The following COL6A6 variants were observed in gnomAD, a reference collection of about 807,000 sequenced individuals.
COL6A6 encodes the protein collagen alpha-6(VI) chain.
Under a neutral mutation model 208.6 loss-of-function variants are expected in COL6A6, and 183 were observed. That is an observed-to-expected ratio of 0.88 (90% CI 0.78 to 0.99). The LOEUF (loss-of-function observed/expected upper bound fraction) is 0.99. Ranked by LOEUF, COL6A6 falls within the 50% of genes least tolerant of loss-of-function variation. COL6A6 has a pLI of 0.00. For synonymous variants in COL6A6, 973 were observed against 1,011.8 expected (o/e 0.96, Z 0.73); for missense variants, 2,816 against 2,815.2 (o/e 1.00, Z -0.01).
Position 130,649,129 on chromosome 3 carries a change from A to T in COL6A6, c.5300A>T (p.Asp1767Val), listed in dbSNP as rs1459908668. Residue 1767 changes from aspartate to valine, a missense_variant, in exon 33 of 37, where the codon GAT becomes GTT. Transcript: ENST00000358511. ...ELVFALDHSR[D>V]VTEQEFERMK... is the part of the protein sequence containing the mutation. ...GTGTTTGCCCTGGACCACTCCCGGG[A>T]TGTCACTGAGCAGGAATTTGAGCGG... The T allele has an allele frequency of 6.3e-7, 1 of 1,583,796 alleles. No individual in the cohort carries two copies.
At chr3:130,546,536 G>C (rs145360062) in intron 1 of COL6A6, among the ~76,000 whole-genome samples, 4 of 152,292 alleles carry the variant, frequency 2.6e-5, no homozygotes, top group African/African-American at 7.2e-5. Flanking sequence ...GGCAGCCTGC[G>C]TTTATTCCCT....
chr3:130,662,456 G>A (rs2065962407), intron 35 of COL6A6, 148 bp downstream of exon 35: 2 of 736,038 alleles, frequency 2.7e-6, no homozygotes, highest in South Asian at 1.9e-5. Flanking sequence ...TATAATGACG[G>A]ATGGTAGAAG....
intron 20 of COL6A6, among the ~76,000 whole-genome samples, chr3:130,605,330 C>T (rs1408604807): frequency 6.6e-6 from 1 of 151,694 alleles, no homozygotes; most frequent in African/African-American, 2.4e-5. Context: ...TATTTATCTC[C>T]TCCTCCCAAA....
Position 130,571,080 on chromosome 3 carries a change from T to G in COL6A6, c.2664T>G (p.Thr888=), listed in dbSNP as rs1162353677. ...NDQAMGGSTY[T]AEALGFSDHM... Reference sequence around the variant, plus strand: ...AAGCCATGGGTGGCAGTACTTATACTGCTGAGGCACTGGGCTTCTCAGACC... The same window carrying G: ...AAGCCATGGGTGGCAGTACTTATACGGCTGAGGCACTGGGCTTCTCAGACC... The change falls in exon 7 of 37, where the codon ACT becomes ACG. Residue 888 remains threonine (T), a synonymous_variant. Coordinates refer to ENST00000358511, the MANE Select transcript of COL6A6 (RefSeq NM_001102608.3). The G allele has an allele frequency of 6.2e-7, 1 of 1,613,936 alleles. No homozygotes were observed. Among genetic ancestry groups the G allele is most frequent in the Admixed American group, 1.7e-5 (1 of 60,014 alleles).
intron 20 of COL6A6, among the ~76,000 whole-genome samples, chr3:130,606,083 C>CAT (rs1225518249): frequency 1.1e-4 from 17 of 152,214 alleles, no homozygotes; most frequent in Admixed American, 1.1e-3. Context: ...ATATGATTAG[C>CAT]AGAATTTAAA....
At chr3:130,533,521 T>C (rs2107715399) in intron 1 of COL6A6, among the ~76,000 whole-genome samples, 1 of 152,350 alleles carries the variant, frequency 6.6e-6, no homozygotes, top group East Asian at 1.9e-4. Flanking sequence ...AACTATTCCT[T>C]ACCCAGATTT....
At chr3:130,645,119 C>T in intron 32 of COL6A6, 117 bp downstream of exon 32, 1 of 955,556 alleles carries the variant, frequency 1.0e-6, no homozygotes, top group Non-Finnish European at 1.7e-6. Context: ...TCTGGGCTTT[C>T]TTTGCTGCTG....
chr3:130,600,128 G>A (rs763548719), intron 20 of COL6A6, among the ~76,000 whole-genome samples: 20 of 152,198 alleles, frequency 1.3e-4, no homozygotes, highest in South Asian at 4.1e-4. Flanking sequence ...CTGTGATAGC[G>A]TTTTAAATCC....
At chr3:130,634,742 G>A (rs755899649) in intron 27 of COL6A6, 117 bp downstream of exon 27, 104 of 693,376 alleles carry the variant, frequency 1.5e-4, no homozygotes, top group Admixed American at 3.7e-4. Context: ...ACCTTTGTGC[G>A]GAGAAGGAGG....
rs2062940906 is a variant in COL6A6, at chr3:130,563,413, T to C, written c.410T>C (p.Val137Ala). 1.9e-6 allele frequency: 3 copies of C among 1,613,886 alleles called. No homozygotes were observed. Among genetic ancestry groups the C allele is most frequent in the Admixed American group, 1.7e-5 (1 of 60,000 alleles). ...AAACAGTTTCCCCCAATTCTAGTGG[T>C]CCTGGCTTCATCTGAGTCTGAGGAT... The part of the protein sequence containing the change: ...DKKQFPPILV[V>A]LASSESEDNV... Residue 137 changes from valine to alanine, a missense_variant, in exon 3 of 37, where the codon GTC (valine) becomes GCC (alanine). Physicochemically the swap from Val to Ala is moderately conservative, Grantham distance 64. Coordinates refer to ENST00000358511, the MANE Select transcript of COL6A6 (RefSeq NM_001102608.3).
At chr3:130,525,690 T>C (rs950898555) in intron 1 of COL6A6, among the ~76,000 whole-genome samples, 3 of 152,214 alleles carry the variant, frequency 2.0e-5, no homozygotes, top group African/African-American at 7.2e-5. Context: ...ACTCTTCCTC[T>C]CTTCCAGTCT....
chr3:130,609,765 A>T (rs1385313794), intron 22 of COL6A6, among the ~76,000 whole-genome samples: 2 of 152,180 alleles, frequency 1.3e-5, no homozygotes, highest in Non-Finnish European at 2.9e-5. Flanking sequence ...TAGTTAAAAA[A>T]AGTAACTATT....
intron 2 of COL6A6, 118 bp from the exon 3 acceptor site, chr3:130,562,950 A>G (rs966026158): frequency 2.1e-5 from 15 of 698,690 alleles, no homozygotes; most frequent in Middle Eastern, 2.6e-4. Flanking sequence ...TTTTCGGTTT[A>G]TTGGGAAGGT....
intron 24 of COL6A6, among the ~76,000 whole-genome samples, chr3:130,623,872 A>G (rs1158503516): frequency 2.6e-5 from 4 of 152,208 alleles, no homozygotes; most frequent in Non-Finnish European, 4.4e-5. Flanking sequence ...AAAATCAACA[A>G]AAAAGCACAC....
At chr3:130,673,224 A>C (rs1310239937) in intron 36 of COL6A6, among the ~76,000 whole-genome samples, 1 of 151,466 alleles carries the variant, frequency 6.6e-6, no homozygotes, top group Non-Finnish European at 1.5e-5. Flanking sequence ...AAACAAAAAA[A>C]AAAAACAAAA....
intron 12 of COL6A6, among the ~76,000 whole-genome samples, chr3:130,590,610 C>T (rs1258057206): frequency 1.3e-5 from 2 of 151,882 alleles, no homozygotes; most frequent in African/African-American, 4.8e-5. Context: ...CTCTGCCGCC[C>T]AGGCTGGAGT....
intron 28 of COL6A6, among the ~76,000 whole-genome samples, chr3:130,639,141 G>A (rs1339000960): frequency 6.6e-6 from 1 of 152,064 alleles, no homozygotes; most frequent in Non-Finnish European, 1.5e-5. Flanking sequence ...TTCTGGGAGA[G>A]TTCGTTGAGT....
chr3:130,541,081 G>A (rs1023608772), intron 1 of COL6A6, among the ~76,000 whole-genome samples: 1 of 152,100 alleles, frequency 6.6e-6, no homozygotes, highest in Admixed American at 6.5e-5. Context: ...GGAATCCAAT[G>A]TCCAGAATCT....
chr3:130,639,926 A>C (rs2065264051), intron 28 of COL6A6, among the ~76,000 whole-genome samples: 3 of 152,124 alleles, frequency 2.0e-5, no homozygotes. Context: ...AGCCATATAG[A>C]AAAAGAGAGC....
Sources: allele counts gnomAD v4.1 joint callset (sites outside exome capture counted in the v4.1 genomes callset), GRCh38; gene constraint gnomAD v4.1.1; transcripts MANE v1.5; gene names NCBI Gene and HGNC (gene_info 2026-07-23, HGNC 2026-07-21).